The following MAML3 variants were observed in gnomAD, a reference collection of about 807,000 sequenced individuals.
The protein encoded by MAML3 is mastermind-like protein 3.
A neutral mutation model predicts 101.9 loss-of-function variants in MAML3; 27 were observed. The ratio of observed to expected loss-of-function variants is 0.27; its 90% CI spans 0.20 to 0.37. MAML3 has a LOEUF of 0.37. Among genes scored for constraint, MAML3 ranks in the 10% least tolerant of loss-of-function variants. The pLI, the probability that MAML3 is intolerant of heterozygous loss-of-function variation, is 1.00. For missense variants in MAML3, 1,316 were observed against 1,444.9 expected, an observed-to-expected ratio of 0.91 and a Z score of 1.45; for synonymous variants, 501 against 555.9, an observed-to-expected ratio of 0.90 and a Z score of 1.39.
intron 1 of MAML3, among the ~76,000 whole-genome samples, chr4:139,992,902 G>C (rs1050251763): frequency 2.0e-5 from 3 of 152,170 alleles, no homozygotes; most frequent in Non-Finnish European, 4.4e-5. Flanking sequence ...GTGTGAAATT[G>C]TGTCTCCTTG....
At chr4:140,022,174 T>C (rs776503504) in intron 1 of MAML3, among the ~76,000 whole-genome samples, 1 of 152,212 alleles carries the variant, frequency 6.6e-6, no homozygotes, top group Non-Finnish European at 1.5e-5. Flanking sequence ...AAATACATTC[T>C]ATGATGTGTG....
intron 2 of MAML3, among the ~76,000 whole-genome samples, chr4:139,852,401 C>CTTTTTT (rs1560814189): frequency 7.9e-6 from 1 of 126,274 alleles, no homozygotes; most frequent in African/African-American, 3.4e-5. Flanking sequence ...ATTCAGAAGA[C>CTTTTTT]TGTTTTTTTT....
At chr4:139,884,680 G>A in intron 2 of MAML3, among the ~76,000 whole-genome samples, 1 of 152,182 alleles carries the variant, frequency 6.6e-6, no homozygotes, top group East Asian at 1.9e-4. Flanking sequence ...TGTTCCGCTG[G>A]TTCAAGATAA....
intron 1 of MAML3, among the ~76,000 whole-genome samples, chr4:140,033,666 T>A (rs2110895182): frequency 6.6e-6 from 1 of 152,338 alleles, no homozygotes; most frequent in African/African-American, 2.4e-5. Flanking sequence ...GCTTACTAGC[T>A]CTGTGATCTT....
chr4:140,023,976 T>A (rs1262992049), intron 1 of MAML3, among the ~76,000 whole-genome samples: 1 of 152,228 alleles, frequency 6.6e-6, no homozygotes, highest in Non-Finnish European at 1.5e-5. Context: ...GACTTTTTAC[T>A]TTCTTGTTTT....
chr4:140,101,281 G>A (rs371713402), intron 1 of MAML3, among the ~76,000 whole-genome samples: 4 of 152,150 alleles, frequency 2.6e-5, no homozygotes, highest in South Asian at 2.1e-4. Flanking sequence ...TTGGCCCAGC[G>A]TCCTACCCTA....
intron 1 of MAML3, among the ~76,000 whole-genome samples, chr4:140,149,667 TATTATTTGGTTGTGGGTG>T (rs1269819197): frequency 2.0e-5 from 3 of 152,196 alleles, no homozygotes; most frequent in Non-Finnish European, 4.4e-5. Context: ...TCACCGTTAT[TATTATTTGGTTGTGGGTG>T]ATCATTGTTT....
intron 1 of MAML3, among the ~76,000 whole-genome samples, chr4:139,894,032 T>C (rs991752656): frequency 2.0e-5 from 3 of 152,120 alleles, no homozygotes; most frequent in African/African-American, 7.2e-5. Context: ...CAAGGTGCCG[T>C]GTATTACAGA....
At chr4:139,920,955 T>C (rs956249913) in intron 1 of MAML3, among the ~76,000 whole-genome samples, 1 of 152,150 alleles carries the variant, frequency 6.6e-6, no homozygotes, top group Admixed American at 6.5e-5. Context: ...TTTAGAATCT[T>C]CCCTTTGCTC....
At chr4:139,853,272 T>C (rs1731592883) in intron 2 of MAML3, among the ~76,000 whole-genome samples, 2 of 152,200 alleles carry the variant, frequency 1.3e-5, no homozygotes, top group African/African-American at 4.8e-5. Context: ...CTCAAGATAA[T>C]AGTATCCGTT....
intron 1 of MAML3, among the ~76,000 whole-genome samples, chr4:140,011,253 TG>T: frequency 7.0e-6 from 1 of 143,774 alleles, no homozygotes; most frequent in East Asian, 2.0e-4. Context: ...TATATATATA[TG>T]ACAAACAGAC....
intron 1 of MAML3, among the ~76,000 whole-genome samples, chr4:140,083,140 G>C (rs574791823): frequency 2.0e-4 from 30 of 152,272 alleles, no homozygotes; most frequent in African/African-American, 7.0e-4. Flanking sequence ...AGAATCGAAG[G>C]CTCAGAACCT....
chr4:139,938,618 A>G (rs1733548468), intron 1 of MAML3, among the ~76,000 whole-genome samples: 1 of 152,236 alleles, frequency 6.6e-6, no homozygotes, highest in African/African-American at 2.4e-5. Flanking sequence ...GAACTCTTTT[A>G]ATAGCCTGCT....
intron 1 of MAML3, among the ~76,000 whole-genome samples, chr4:139,964,264 A>G (rs968803954): frequency 1.2e-4 from 19 of 152,366 alleles, no homozygotes; most frequent in Admixed American, 1.0e-3. Context: ...AACCATAAAA[A>G]GGAATGAGAT....
intron 1 of MAML3, among the ~76,000 whole-genome samples, chr4:139,989,457 T>C (rs1369762758): frequency 6.6e-6 from 1 of 152,116 alleles, no homozygotes; most frequent in Non-Finnish European, 1.5e-5. Flanking sequence ...CTATTACCCG[T>C]ATCATGCAAA....
chr4:140,046,853 A>G (rs954500409), intron 1 of MAML3, among the ~76,000 whole-genome samples: 1 of 152,088 alleles, frequency 6.6e-6, no homozygotes, highest in Non-Finnish European at 1.5e-5. Context: ...TGCAGTCTAT[A>G]TATATTATAT....
chr4:139,845,537 T>C (rs1490968726), intron 2 of MAML3, among the ~76,000 whole-genome samples: 2 of 152,216 alleles, frequency 1.3e-5, no homozygotes, highest in Admixed American at 1.3e-4. Flanking sequence ...CTTTTCATGA[T>C]TGTACTAAGA....
intron 2 of MAML3, among the ~76,000 whole-genome samples, chr4:139,857,894 C>G (rs923406929): frequency 4.6e-5 from 7 of 152,232 alleles, no homozygotes; most frequent in African/African-American, 1.7e-4. Flanking sequence ...CTACTTTCCT[C>G]TGAAAATCCA....
In MAML3 at chr4:139,808,012, A is replaced by G. The variant is rs910140672; in HGVS notation, c.2080-77345T>C. 2.6e-5 allele frequency among the ~76,000 whole-genome samples: 4 copies of G among 151,974 alleles called. No homozygotes were observed. The East Asian group carries it at 7.7e-4, about 29-fold the overall frequency. ...TGAAGAGTGGAGTGGGGAAAGGTAC[A>G]CTCCTCCATTCATATTCGGCTCTTC... On this transcript the variant is annotated intron_variant, in intron 2 of 4. Coordinates refer to ENST00000509479, the MANE Select transcript of MAML3 (RefSeq NM_018717.5).
Sources: allele counts gnomAD v4.1 joint callset (sites outside exome capture counted in the v4.1 genomes callset), GRCh38; gene constraint gnomAD v4.1.1; transcripts MANE v1.5; gene names NCBI Gene and HGNC (gene_info 2026-07-23, HGNC 2026-07-21).